Variants in FAM110B observed in about 807,000 individuals in gnomAD.
FAM110B encodes family with sequence similarity 110 member B, also known as protein FAM110B.
Under a neutral mutation model 20.4 loss-of-function variants are expected in FAM110B, and 6 were observed. The ratio of observed to expected loss-of-function variants is 0.29; its 90% CI spans 0.16 to 0.58. The LOEUF is 0.58. FAM110B is among the 20% of genes least tolerant of loss of function. The probability of loss-of-function intolerance (pLI) is 0.90; values close to 1 mark genes in which losing one functional copy is unlikely to be tolerated. For synonymous variants in FAM110B, 226 were observed against 214.1 expected, an observed-to-expected ratio of 1.06 and a Z score of -0.49; for missense variants, 434 against 498.2, an observed-to-expected ratio of 0.87 and a Z score of 1.23.
rs1240808095 is a variant in FAM110B at position 58,147,044 on chromosome 8, G to A, written c.814G>A (p.Ala272Thr). ...DLSDRYFRVD[A>T]DVERFFNYCG... ...GAGTGACAGATATTTCCGAGTGGAC[G>A]CGGACGTGGAGAGGTTCTTCAACTA... Residue 272 changes from alanine (A) to threonine (T), a missense_variant, in exon 4 of 4, where the codon GCG (alanine) becomes ACG (threonine). Physicochemically the swap from Ala to Thr is moderately conservative, Grantham distance 58 (BLOSUM62 0). Around this residue, in one of 3 missense-constraint regions of FAM110B, gnomAD observed 94 missense variants for 137.8 expected, o/e 0.68. Transcript: ENST00000519262. The A allele has an allele frequency of 6.2e-7, 1 of 1,614,214 alleles. No individual in the cohort carries two copies. The highest frequency in any genetic ancestry group is 8.5e-7 in the Non-Finnish European group (1 of 1,180,034).
chr8:58,026,170 C>T (rs1333669256), intron 1 of FAM110B, among the ~76,000 whole-genome samples: 1 of 152,212 alleles, frequency 6.6e-6, no homozygotes. Context: ...CTCAATGCTT[C>T]TGATAGTGCA....
chr8:58,142,422 A>G (rs566973464), intron 3 of FAM110B, among the ~76,000 whole-genome samples: 1 of 152,306 alleles, frequency 6.6e-6, no homozygotes, highest in East Asian at 1.9e-4. Context: ...AAGCACCACT[A>G]GAGTGAGTAG....
intron 2 of FAM110B, among the ~76,000 whole-genome samples, chr8:58,056,089 T>C (rs564272123): frequency 6.6e-6 from 1 of 152,314 alleles, no homozygotes; most frequent in East Asian, 1.9e-4. Context: ...ACAACCGTGA[T>C]CATTTGTTTA....
chr8:58,006,736 G>A (rs1004040647), intron 1 of FAM110B, among the ~76,000 whole-genome samples: 4 of 151,002 alleles, frequency 2.6e-5, no homozygotes, highest in African/African-American at 9.7e-5. Context: ...CCGAGTAGCT[G>A]GGATTACAAG....
rs534337373 is a variant in FAM110B, at chr8:58,089,506, T to A, written c.-325+13883T>A. On this transcript the variant is annotated intron_variant, in intron 3 of 3. Transcript: ENST00000519262. ...AGGGCTTTTTCCCTCCCTTGTCACT[T>A]CTTCCCTATTAGCAGACATCATTTT... Among the ~76,000 whole-genome samples the A allele has an allele frequency of 2.6e-5, 4 of 152,344 alleles. No homozygotes were observed. The South Asian group carries it at 8.3e-4, about 32-fold the overall frequency.
In FAM110B at chr8:58,069,216, G is replaced by A. The variant is rs1805837986; in HGVS notation, c.-413-6319G>A. On this transcript the variant is annotated intron_variant, in intron 2 of 3. Transcript: ENST00000519262. The stretch of plus-strand genomic sequence containing the variant: ...GAGGTACTCTCTTGAGTGCTGTGAT[G>A]CTGGAAAGAAAGGGAGACAATATGG... Among the ~76,000 whole-genome samples the A allele has an allele frequency of 5.9e-5, 9 of 152,290 alleles. No individual in the cohort carries two copies. The South Asian group carries it at 1.9e-3, about 32-fold the overall frequency.
In FAM110B at chr8:58,085,905, A is replaced by C. The variant is rs1020277443; in HGVS notation, c.-325+10282A>C. Among the ~76,000 whole-genome samples, 11 of 152,314 alleles carry C rather than the reference A, an allele frequency of 7.2e-5. 1 individual carries two copies. The East Asian group carries it at 2.1e-3, about 29-fold the overall frequency. On this transcript the variant is annotated intron_variant, in intron 3 of 3. Coordinates refer to ENST00000519262, the MANE Select transcript of FAM110B (RefSeq NM_001377989.1). ...AATGGAATTAATATAAACCTGAGTA[A>C]ATTATCAATGGGAAAGTATGATTTA...
intron 2 of FAM110B, among the ~76,000 whole-genome samples, chr8:58,047,591 C>CCTCTCTCTCTCCCTCTCTCTCTCT (rs1805351908): frequency 1.3e-5 from 1 of 74,646 alleles, no homozygotes; most frequent in African/African-American, 4.1e-5. Context: ...CTTCCTTTTT[C>CCTCTCTCTCTCCCTCTCTCTCTCT]CTCTCTCTCT....
Position 58,105,795 on chromosome 8 carries a change from C to T in FAM110B, c.-325+30172C>T, listed in dbSNP as rs370805902. On this transcript the variant is annotated intron_variant, in intron 3 of 3. Transcript: ENST00000519262. The stretch of plus-strand genomic sequence containing the variant: ...CCATATTAGCCAGGATGCTCTCAAT[C>T]TCCTGACCTTGTGATCCGCCCGCCT... 4.7e-4 allele frequency among the ~76,000 whole-genome samples: 71 copies of T among 152,044 alleles called. 2 individuals are homozygous for T. In the South Asian group the frequency reaches 0.015, roughly 31 times the overall value.
chr8:58,095,314 C>G (rs1806595648), intron 3 of FAM110B, among the ~76,000 whole-genome samples: 1 of 152,058 alleles, frequency 6.6e-6, no homozygotes, highest in African/African-American at 2.4e-5. Context: ...TTCTCTAGTT[C>G]TTTTAATTGT....
intron 2 of FAM110B, among the ~76,000 whole-genome samples, chr8:58,037,674 A>G (rs1205751588): frequency 6.6e-6 from 1 of 152,132 alleles, no homozygotes; most frequent in South Asian, 2.1e-4. Context: ...GGTTGCATAC[A>G]TCAGTCATGA....
intron 3 of FAM110B, among the ~76,000 whole-genome samples, chr8:58,088,536 T>C (rs897179872): frequency 6.6e-6 from 1 of 152,244 alleles, no homozygotes; most frequent in African/African-American, 2.4e-5. Flanking sequence ...TGGGATGCTA[T>C]GAATATGAAT....
intron 3 of FAM110B, among the ~76,000 whole-genome samples, chr8:58,105,782 G>C (rs1806896509): frequency 6.6e-6 from 1 of 151,902 alleles, no homozygotes; most frequent in Admixed American, 6.6e-5. Context: ...ATATTAGCCA[G>C]GATGCTCTCA....
At chr8:58,080,560 A>G (rs1243399471) in intron 3 of FAM110B, among the ~76,000 whole-genome samples, 3 of 152,196 alleles carry the variant, frequency 2.0e-5, no homozygotes, top group African/African-American at 7.2e-5. Context: ...GCACTCATGC[A>G]TTCTGAGTAC....
intron 2 of FAM110B, among the ~76,000 whole-genome samples, chr8:58,062,616 C>A (rs1311637358): frequency 2.0e-5 from 3 of 152,164 alleles, no homozygotes; most frequent in Non-Finnish European, 4.4e-5. Flanking sequence ...CCAGGATAGG[C>A]AGACACACTG....
At chr8:58,086,909 C>G (rs746374493) in intron 3 of FAM110B, among the ~76,000 whole-genome samples, 1 of 152,232 alleles carries the variant, frequency 6.6e-6, no homozygotes. Context: ...TGGCATTCAC[C>G]AGGCACTTCA....
At chr8:58,111,631 A>T (rs1270396650) in intron 3 of FAM110B, among the ~76,000 whole-genome samples, 1 of 152,172 alleles carries the variant, frequency 6.6e-6, no homozygotes, top group East Asian at 1.9e-4. Context: ...TTTTTAATTT[A>T]AAAAAAGAAA....
intron 3 of FAM110B, among the ~76,000 whole-genome samples, chr8:58,104,613 A>G (rs1055569119): frequency 6.6e-5 from 10 of 152,224 alleles, no homozygotes; most frequent in African/African-American, 1.9e-4. Flanking sequence ...TACTCCTGGC[A>G]ATATTACTAC....
At chr8:58,042,482 T>C (rs1334065065) in intron 2 of FAM110B, among the ~76,000 whole-genome samples, 1 of 152,242 alleles carries the variant, frequency 6.6e-6, no homozygotes, top group African/African-American at 2.4e-5. Flanking sequence ...ACCTGGATTT[T>C]TCTGTGATAC....
Sources: allele counts gnomAD v4.1 joint callset (sites outside exome capture counted in the v4.1 genomes callset), GRCh38; gene constraint gnomAD v4.1.1; regional missense constraint gnomAD v4.1.1; transcripts MANE v1.5; gene names NCBI Gene and HGNC (gene_info 2026-07-23, HGNC 2026-07-21).